The following NOSTRIN variants were observed in gnomAD, a reference collection of about 807,000 sequenced individuals.
The protein encoded by NOSTRIN is BM247 homolog.
A neutral mutation model predicts 59.0 loss-of-function variants in NOSTRIN; 63 were observed. The observed-to-expected ratio is 1.07, with a 90% confidence interval of 0.87 to 1.32. The LOEUF is 1.32. NOSTRIN is among the 40% of genes most tolerant of loss of function. The pLI is 0.00. For synonymous variants in NOSTRIN, 200 were observed against 165.4 expected (o/e 1.21, Z -1.61); for missense variants, 512 against 473.1 (o/e 1.08, Z -0.76).
At chr2:168,796,461 C>T (rs1685482402), upstream of NOSTRIN, among the ~76,000 whole-genome samples, 1 of 152,234 alleles carries the variant, frequency 6.6e-6, no homozygotes, top group South Asian at 2.1e-4. Flanking sequence ...CTGCCCCAAG[C>T]CCAGGGGCTG....
chr2:168,840,539 A>AAAC (rs796841369), intron 7 of NOSTRIN, among the ~76,000 whole-genome samples: 1 of 151,426 alleles, frequency 6.6e-6, no homozygotes, highest in Non-Finnish European at 1.5e-5. Flanking sequence ...CAAAAAAAAA[A>AAAC]AAAAAAAAAA....
chr2:168,800,583 A>G (rs1685585386), upstream of NOSTRIN, among the ~76,000 whole-genome samples: 1 of 152,138 alleles, frequency 6.6e-6, no homozygotes, highest in South Asian at 2.1e-4. Flanking sequence ...AATGGCACAC[A>G]TGAGGAGTTT....
Position 168,851,415 on chromosome 2 carries a change from A to G in NOSTRIN, c.855+11A>G. On this transcript the variant is annotated intron_variant, in intron 10 of 15. Transcript: ENST00000317647. The stretch of plus-strand genomic sequence containing the variant: ...TTAACGGATTACTTTGTGAGTATGA[A>G]ATGGAAAAAAAAAGTTACATTAATG... 2 of 1,594,304 alleles carry G rather than the reference A, an allele frequency of 1.3e-6. No homozygotes were observed. The highest frequency in any genetic ancestry group is 1.2e-5 in the South Asian group (1 of 86,620).
intron 5 of NOSTRIN, 89 bp downstream of exon 5, chr2:168,828,590 C>G: frequency 1.8e-6 from 1 of 545,716 alleles, no homozygotes. Flanking sequence ...GAAAGTGGTA[C>G]CAAGTTTCAG....
intron 1 of NOSTRIN, among the ~76,000 whole-genome samples, chr2:168,806,092 T>C (rs1427744604): frequency 6.6e-6 from 1 of 152,098 alleles, no homozygotes; most frequent in African/African-American, 2.4e-5. Context: ...GGTGAACAAG[T>C]ACATGGAATC....
chr2:168,802,684 C>A lies in NOSTRIN; in HGVS notation c.27+11C>A. ...CTGACAGATTGTCCGGTGAGTAGCT[C>A]AGTGTGGTTTGTGTGCCTGCGTGTG... On this transcript the variant is annotated intron_variant, in intron 1 of 15. Transcript: ENST00000317647. 2.3e-6 allele frequency: 2 copies of A among 868,930 alleles called. No individual in the cohort carries two copies. Among genetic ancestry groups the A allele is most frequent in the South Asian group, 2.7e-5 (2 of 74,758 alleles). 53.8% of individuals were successfully genotyped at this position (868,930 alleles called of 1,614,324 possible).
At chr2:168,840,546 A>AC (rs1553529599) in intron 7 of NOSTRIN, among the ~76,000 whole-genome samples, 17 of 150,232 alleles carry the variant, frequency 1.1e-4, no homozygotes, top group Admixed American at 4.0e-4. Flanking sequence ...AAAAAAAAAA[A>AC]AAAAACAAAA....
chr2:168,838,083 G>A (rs1574303624), intron 7 of NOSTRIN, among the ~76,000 whole-genome samples: 1 of 152,128 alleles, frequency 6.6e-6, no homozygotes, highest in Admixed American at 6.6e-5. Flanking sequence ...TATTCTCAAG[G>A]ATTCAACTAC....
chr2:168,862,666 CAG>C (rs963731216), intron 15 of NOSTRIN, among the ~76,000 whole-genome samples: 3 of 152,278 alleles, frequency 2.0e-5, no homozygotes, highest in East Asian at 1.9e-4. Context: ...CTTTGTGTCA[CAG>C]AGTTTTACTT....
Position 168,811,710 on chromosome 2 carries a change from T to A in NOSTRIN, c.113+58T>A, listed in dbSNP as rs1686145026. ...TCCTCTTTAGTTGTAGCAAGTGATA[T>A]GACTGGAGGAGTGATTACAAGCTGT... On this transcript the variant is annotated intron_variant, in intron 2 of 15. Coordinates refer to ENST00000317647, the MANE Select transcript of NOSTRIN (RefSeq NM_001039724.4). The A allele has an allele frequency of 5.4e-6, 4 of 733,954 alleles. No homozygotes were observed. In the South Asian group the frequency reaches 6.6e-5, roughly 12 times the overall value. 45.5% of individuals were successfully genotyped at this position (733,954 alleles called of 1,614,324 possible).
At chr2:168,819,899 C>T (rs868331009) in intron 2 of NOSTRIN, among the ~76,000 whole-genome samples, 2 of 152,274 alleles carry the variant, frequency 1.3e-5, no homozygotes, top group Middle Eastern at 6.8e-3. Context: ...AGACCCTCAA[C>T]ATCCCCACTC....
At chr2:168,837,648 T>C (rs1406697983) in intron 7 of NOSTRIN, among the ~76,000 whole-genome samples, 1 of 152,112 alleles carries the variant, frequency 6.6e-6, no homozygotes, top group Non-Finnish European at 1.5e-5. Context: ...TCTGCTCTGT[T>C]TCCACTTCCT....
At chr2:168,861,924 A>C (rs1366065526) in intron 14 of NOSTRIN, 36 bp from the exon 15 acceptor site, 2 of 1,590,772 alleles carry the variant, frequency 1.3e-6, no homozygotes, top group South Asian at 2.2e-5. Context: ...TTTGCCTGCT[A>C]ACACAGCATA....
At chr2:168,832,107 G>C (rs529801961) in intron 6 of NOSTRIN, among the ~76,000 whole-genome samples, 2 of 152,098 alleles carry the variant, frequency 1.3e-5, no homozygotes, top group Non-Finnish European at 2.9e-5. Context: ...AAGGGGATGC[G>C]TATATCAATT....
At chr2:168,834,509 A>G (rs62175722) in intron 7 of NOSTRIN, among the ~76,000 whole-genome samples, 184 bp downstream of exon 7, 409 of 41,678 alleles carry the variant, frequency 9.8e-3, no homozygotes, top group Non-Finnish European at 0.024. Flanking sequence ...GCGCGCGCGC[A>G]CACACACACA....
chr2:168,863,032 A>AT lies in NOSTRIN; in HGVS notation c.1384+983_1384+984insT, dbSNP rs1689567689. Among the ~76,000 whole-genome samples, 4 of 2,972 alleles carry AT rather than the reference A, an allele frequency of 1.3e-3. No homozygotes were observed. The South Asian group carries it at 0.15, about 114-fold the overall frequency. 1.9% of individuals were successfully genotyped at this position (2,972 alleles called of 152,430 possible). ...TTTTCTTCCTATGTGAATAAAAGACAGACATACTTCCCAGATGCCACCTAG... is the reference window on the plus strand; with the variant it reads ...TTTTCTTCCTATGTGAATAAAAGACATGACATACTTCCCAGATGCCACCTAG... On this transcript the variant is annotated intron_variant, in intron 15 of 15. Transcript: ENST00000317647.
At chr2:168,841,235 CAAAAAAAAAAAAAAAA>C (rs57480764) in intron 7 of NOSTRIN, among the ~76,000 whole-genome samples, 2 of 106,584 alleles carry the variant, frequency 1.9e-5, no homozygotes, top group Non-Finnish European at 3.9e-5. Flanking sequence ...ACCCTGTCTC[CAAAAAAAAAAAAAAAA>C]AAAAAAAAAA....
intron 1 of NOSTRIN, among the ~76,000 whole-genome samples, chr2:168,808,233 C>T (rs981118872): frequency 6.6e-6 from 1 of 152,184 alleles, no homozygotes; most frequent in Non-Finnish European, 1.5e-5. Context: ...GCCCCCATTC[C>T]ACGCTTGATG....
chr2:168,805,287 G>A (rs1356781655), intron 1 of NOSTRIN, among the ~76,000 whole-genome samples: 3 of 152,176 alleles, frequency 2.0e-5, no homozygotes, highest in African/African-American at 7.2e-5. Flanking sequence ...TGCTGTGTAG[G>A]ATTAATCTTG....
Sources: allele counts gnomAD v4.1 joint callset (sites outside exome capture counted in the v4.1 genomes callset), GRCh38; gene constraint gnomAD v4.1.1; transcripts MANE v1.5; gene names NCBI Gene and HGNC (gene_info 2026-07-23, HGNC 2026-07-21).